Variants in TMEM132C observed in about 807,000 individuals in gnomAD.
The protein encoded by TMEM132C is transmembrane protein 132C.
In TMEM132C, 29 loss-of-function variants were observed where a neutral mutation model predicts 61.4. That is an observed-to-expected ratio of 0.47 (90% CI 0.35 to 0.64). The LOEUF (loss-of-function observed/expected upper bound fraction) is 0.64, where lower values mean the gene tolerates loss of function less well. TMEM132C is among the 30% of genes least tolerant of loss of function. TMEM132C has a pLI of 0.00. For missense variants in TMEM132C, 1,408 were observed against 1,476.9 expected, an observed-to-expected ratio of 0.95 and a Z score of 0.76; for synonymous variants, 656 against 633.1, an observed-to-expected ratio of 1.04 and a Z score of -0.54.
chr12:128,534,838 C>T (rs1593089974), intron 2 of TMEM132C, among the ~76,000 whole-genome samples: 1 of 152,184 alleles, frequency 6.6e-6, no homozygotes, highest in South Asian at 2.1e-4. Flanking sequence ...CTTCTCCCAC[C>T]CCATCCAGAG....
Position 128,705,106 on chromosome 12 carries a change from C to G in TMEM132C, c.2138C>G (p.Thr713Arg), listed in dbSNP as rs561572424. The change falls in exon 9 of 9, where the codon ACG (threonine) becomes AGG (arginine). Residue 713 changes from threonine to arginine, a missense_variant. Transcript: ENST00000435159. The part of the protein sequence containing the change: ...RTPKQEAVFS[T>R]WLQFSDGSVT... ...TCCCTGCAGGAGGCTGTATTCAGCA[C>G]GTGGCTGCAGTTCAGTGATGGCTCT... 6.5e-7 allele frequency: 1 copy of G among 1,540,300 alleles called. No individual in the cohort carries two copies. The highest frequency in any genetic ancestry group is 8.8e-7 in the Non-Finnish European group (1 of 1,138,984).
At chr12:128,669,152 A>G (rs1954505604) in intron 4 of TMEM132C, among the ~76,000 whole-genome samples, 1 of 152,248 alleles carries the variant, frequency 6.6e-6, no homozygotes, top group Non-Finnish European at 1.5e-5. Flanking sequence ...AATAAAGAAA[A>G]AGAATAAATA....
chr12:128,588,597 C>A (rs550967083), intron 3 of TMEM132C, among the ~76,000 whole-genome samples: 15 of 152,244 alleles, frequency 9.9e-5, no homozygotes, highest in South Asian at 2.1e-4. Context: ...GTGTCCCCCC[C>A]ACTCACAAAA....
intron 6 of TMEM132C, among the ~76,000 whole-genome samples, chr12:128,694,475 C>T (rs755204640): frequency 2.0e-5 from 3 of 152,082 alleles, no homozygotes; most frequent in Non-Finnish European, 2.9e-5. Context: ...CATTATTTGC[C>T]AAAAGCTTCT....
chr12:128,609,228 T>C (rs1876539627), intron 3 of TMEM132C, among the ~76,000 whole-genome samples: 1 of 43,610 alleles, frequency 2.3e-5, no homozygotes, highest in Non-Finnish European at 4.2e-5. Flanking sequence ...AACCCCCGCC[T>C]CCCTGCAACA....
At chr12:128,590,624 T>C (rs1043325099) in intron 3 of TMEM132C, among the ~76,000 whole-genome samples, 1 of 152,254 alleles carries the variant, frequency 6.6e-6, no homozygotes, top group African/African-American at 2.4e-5. Flanking sequence ...TAGACTGTTA[T>C]TCTCCTGCCA....
intron 3 of TMEM132C, among the ~76,000 whole-genome samples, chr12:128,591,475 A>T (rs7952894): frequency 6.6e-6 from 1 of 152,004 alleles, no homozygotes. Context: ...GATAGACCAC[A>T]TTTTGTTCAA....
At chr12:128,282,293 G>A (rs938217304) in intron 1 of TMEM132C, among the ~76,000 whole-genome samples, 5 of 152,196 alleles carry the variant, frequency 3.3e-5, no homozygotes, top group African/African-American at 1.2e-4. Context: ...TTTTCACATT[G>A]CTATAAAGAA....
At chr12:128,274,078 A>G (rs955114976) in intron 1 of TMEM132C, among the ~76,000 whole-genome samples, 10 of 152,198 alleles carry the variant, frequency 6.6e-5, no homozygotes, top group African/African-American at 2.4e-4. Flanking sequence ...GCTGCATTCA[A>G]GGAGAAAGCA....
At chr12:128,493,131 G>C (rs1333825027) in intron 2 of TMEM132C, among the ~76,000 whole-genome samples, 8 of 151,998 alleles carry the variant, frequency 5.3e-5, no homozygotes, top group Non-Finnish European at 1.0e-4. Flanking sequence ...TCTTGTTTTT[G>C]TCAGGTTTGT....
At chr12:128,635,205 A>T (rs1954093501) in intron 4 of TMEM132C, among the ~76,000 whole-genome samples, 1 of 152,244 alleles carries the variant, frequency 6.6e-6, no homozygotes, top group African/African-American at 2.4e-5. Context: ...ACTTGCTAAG[A>T]TACTGCATTG....
At chr12:128,581,835 G>A (rs1412233928) in intron 3 of TMEM132C, among the ~76,000 whole-genome samples, 1 of 152,220 alleles carries the variant, frequency 6.6e-6, no homozygotes, top group African/African-American at 2.4e-5. Flanking sequence ...GTGATGTATA[G>A]CTTATGGTTT....
At chr12:128,621,890 C>A (rs537312723) in intron 4 of TMEM132C, among the ~76,000 whole-genome samples, 1 of 152,282 alleles carries the variant, frequency 6.6e-6, no homozygotes, top group South Asian at 2.1e-4. Flanking sequence ...CCGTTATGCC[C>A]ACAGCTCTAT....
At chr12:128,677,529 CA>C (rs1954600990) in intron 5 of TMEM132C, among the ~76,000 whole-genome samples, 1 of 152,072 alleles carries the variant, frequency 6.6e-6, no homozygotes, top group African/African-American at 2.4e-5. Flanking sequence ...AGTCAGTTAG[CA>C]AGGAAAATAA....
rs7980709 is a variant in TMEM132C at position 128,706,368 on chromosome 12, G to A, written c.*73G>A. ...AACTGGCCCAAGTGGGGCAGAAGGC[G>A]TTGTCAGTGGGGTTAAGAAGGGACG... On this transcript the variant is annotated 3_prime_UTR_variant, in exon 9 of 9. Transcript: ENST00000435159. 0.16 allele frequency: 224,563 copies of A among 1,440,490 alleles called. 19,110 individuals are homozygous for A. The highest frequency in any genetic ancestry group is 0.18 in the Non-Finnish European group (194,733 of 1,099,772). The allele number at this position is 1,440,490 out of a possible 1,614,324, so 89.2% of individuals were successfully genotyped here.
At chr12:128,692,156 T>C (rs1014974892) in intron 5 of TMEM132C, among the ~76,000 whole-genome samples, 4 of 152,228 alleles carry the variant, frequency 2.6e-5, no homozygotes, top group African/African-American at 7.2e-5. Flanking sequence ...CCCAGCTATC[T>C]ACCCATTTGT....
intron 2 of TMEM132C, among the ~76,000 whole-genome samples, chr12:128,424,046 C>CCA (rs1480815130): frequency 1.4e-5 from 1 of 72,782 alleles, no homozygotes; most frequent in Non-Finnish European, 2.3e-5. Context: ...GACTCTGTCT[C>CCA]AAAAAAAAAA....
At chr12:128,628,072 A>G (rs1785332013) in intron 4 of TMEM132C, among the ~76,000 whole-genome samples, 1 of 152,110 alleles carries the variant, frequency 6.6e-6, no homozygotes, top group Non-Finnish European at 1.5e-5. Context: ...CCATCCCTCG[A>G]AATGCATCTC....
intron 3 of TMEM132C, among the ~76,000 whole-genome samples, chr12:128,576,141 G>A (rs1415674406): frequency 6.6e-6 from 1 of 152,086 alleles, no homozygotes. Flanking sequence ...TGTAATCCCA[G>A]CTACTCGGGA....
Sources: allele counts gnomAD v4.1 joint callset (sites outside exome capture counted in the v4.1 genomes callset), GRCh38; gene constraint gnomAD v4.1.1; transcripts MANE v1.5; gene names NCBI Gene and HGNC (gene_info 2026-07-23, HGNC 2026-07-21).